TG: variants seen among roughly 807,000 people sequenced by gnomAD.
The protein encoded by TG is thyroid hormones.
A neutral mutation model predicts 324.7 loss-of-function variants in TG; 270 were observed. The observed-to-expected ratio is 0.83, with a 90% confidence interval of 0.75 to 0.92. The LOEUF (loss-of-function observed/expected upper bound fraction) is 0.92, where lower values mean the gene tolerates loss of function less well. Ranked by LOEUF, TG falls within the 40% of genes least tolerant of loss-of-function variation. TG has a pLI of 0.00. For missense variants in TG, 3,591 were observed against 3,456.4 expected (o/e 1.04, Z -0.98); for synonymous variants, 1,401 against 1,327.0 (o/e 1.06, Z -1.21).
At chr8:132,908,155 G>T (rs756172453) in intron 17 of TG, 31 bp from the exon 18 acceptor site, 3 of 1,612,784 alleles carry the variant, frequency 1.9e-6, no homozygotes, top group Non-Finnish European at 8.5e-7. Flanking sequence ...CAGGCCCATT[G>T]CCTCTGCTGA....
At chr8:133,031,858 C>A (rs1358025658) in intron 41 of TG, among the ~76,000 whole-genome samples, 1 of 152,168 alleles carries the variant, frequency 6.6e-6, no homozygotes, top group African/African-American at 2.4e-5. Flanking sequence ...TCTTTGCCTG[C>A]CCTACTTTTC....
At chr8:132,945,429 G>T (rs2739074) in intron 26 of TG, among the ~76,000 whole-genome samples, 2 of 151,874 alleles carry the variant, frequency 1.3e-5, no homozygotes, top group Non-Finnish European at 2.9e-5. Context: ...CCAATTTGGC[G>T]ATGGGAGAGG....
At chr8:133,010,538 T>A (rs1834413841) in intron 35 of TG, among the ~76,000 whole-genome samples, 2 of 152,204 alleles carry the variant, frequency 1.3e-5, no homozygotes, top group Admixed American at 1.3e-4. Context: ...TGATCACTGA[T>A]GCCCCACTGA....
rs541243054 is a variant in TG at position 133,094,963 on chromosome 8, TGA to T, written c.7240-80_7240-79del. 1.8e-3 allele frequency: 2,892 copies of T among 1,595,144 alleles called. 4 individuals are homozygous for T. The highest frequency in any genetic ancestry group is 3.4e-3 in the South Asian group (306 of 90,322). On this transcript the variant is annotated intron_variant, in intron 41 of 47. Coordinates refer to ENST00000220616, the MANE Select transcript of TG (RefSeq NM_003235.5). ...AGCTTGGAGGAAGGATGCAGAACCC[TGA>T]TGTGGCACTGAGGACTCCAGGTGAG...
At chr8:132,908,067 G>A (rs984571489) in intron 17 of TG, 119 bp from the exon 18 acceptor site, 4 of 1,124,348 alleles carry the variant, frequency 3.6e-6, no homozygotes, top group Non-Finnish European at 3.9e-6. Flanking sequence ...ATGCAAAATG[G>A]CAGTGCTTAT....
At chr8:132,887,848 C>G (rs1307005963) in intron 9 of TG, 136 bp from the exon 10 acceptor site, 1 of 913,438 alleles carries the variant, frequency 1.1e-6, no homozygotes, top group Non-Finnish European at 1.7e-6. Context: ...ATATTATTTA[C>G]AAATTTAAGC....
At chr8:133,024,218 C>A (rs770082712) in intron 40 of TG, among the ~76,000 whole-genome samples, 24 of 152,244 alleles carry the variant, frequency 1.6e-4, no homozygotes, top group Admixed American at 9.2e-4. Context: ...AGGCAGCTCC[C>A]TCAGATGGCT....
At chr8:132,960,800 G>A (rs1827634078) in intron 27 of TG, among the ~76,000 whole-genome samples, 1 of 152,162 alleles carries the variant, frequency 6.6e-6, no homozygotes, top group African/African-American at 2.4e-5. Context: ...GGTGCCCTGA[G>A]TATGACACCC....
rs1005032470 is a variant in TG at position 132,929,299 on chromosome 8, A to G, written c.4816+107A>G. ...AAACCATTAAAACTATAATTTAAAA[A>G]CATACTTTATCAAAAACACTATAAA... On this transcript the variant is annotated intron_variant, in intron 23 of 47. Coordinates refer to ENST00000220616, the MANE Select transcript of TG (RefSeq NM_003235.5). 7.0e-6 allele frequency: 6 copies of G among 857,984 alleles called. No homozygotes were observed. The African/African-American group carries it at 8.5e-5, about 12-fold the overall frequency. The allele number at this position is 857,984 out of a possible 1,614,324, so 53.1% of individuals were successfully genotyped here. A position where few individuals can be genotyped will look rare whatever the true frequency, so the allele number is the denominator to read the frequency against.
intron 35 of TG, among the ~76,000 whole-genome samples, chr8:133,010,559 A>C (rs1834415065): frequency 6.6e-6 from 1 of 152,228 alleles, no homozygotes; most frequent in African/African-American, 2.4e-5. Context: ...ACATCTCTGC[A>C]GGAGTGTTCT....
intron 37 of TG, among the ~76,000 whole-genome samples, chr8:133,016,797 C>T (rs1182758702): frequency 1.3e-5 from 2 of 152,180 alleles, no homozygotes; most frequent in Admixed American, 6.5e-5. Context: ...TGGCACTGAG[C>T]CTGGGCCCAA....
Position 133,097,835 on chromosome 8 carries a change from A to T in TG, c.7572+1462A>T, listed in dbSNP as rs538054695. Among the ~76,000 whole-genome samples, 13 of 152,284 alleles carry T rather than the reference A, an allele frequency of 8.5e-5. 1 individual carries two copies. The South Asian group carries it at 2.7e-3, about 32-fold the overall frequency. ...TATGTGTGCGTGTGTATGTAGAGAG[A>T]GAGAAAGAAGCAGGGCTGGTGAGGT... is the stretch of plus-strand genomic sequence containing the variant. On this transcript the variant is annotated intron_variant, in intron 43 of 47. Transcript: ENST00000220616.
At chr8:132,957,826 G>A (rs1479573435) in intron 27 of TG, among the ~76,000 whole-genome samples, 2 of 149,836 alleles carry the variant, frequency 1.3e-5, no homozygotes, top group Non-Finnish European at 3.0e-5. Flanking sequence ...GGGGTAAGGT[G>A]GTGTTTGGTT....
intron 37 of TG, among the ~76,000 whole-genome samples, chr8:133,015,875 C>T (rs936531533): frequency 1.1e-4 from 17 of 152,210 alleles, no homozygotes; most frequent in Non-Finnish European, 1.3e-4. Context: ...AGTTCTAACT[C>T]ATATTCCAAT....
chr8:133,131,770 T>G, intron 45 of TG, 42 bp from the exon 46 acceptor site: 1 of 1,611,662 alleles, frequency 6.2e-7, no homozygotes, highest in Non-Finnish European at 8.5e-7. Context: ...GTAGTTTACT[T>G]TCTCTTGACC....
At chr8:133,114,533 C>G (rs373235143) in intron 44 of TG, among the ~76,000 whole-genome samples, 57 of 152,274 alleles carry the variant, frequency 3.7e-4, no homozygotes, top group African/African-American at 1.3e-3. Flanking sequence ...AGCCAGGGCT[C>G]CAGTCCTTTC....
rs377167017 is a variant in TG at position 133,022,113 on chromosome 8, C to T, written c.6999C>T (p.Ala2333=). The T allele has an allele frequency of 4.3e-6, 7 of 1,614,036 alleles. No individual in the cohort carries two copies. In the African/African-American group the frequency reaches 9.3e-5, roughly 22 times the overall value. ...AAVGNLIVVT[A]SYRVGVFGFL... Reference sequence around the variant, plus strand: ...TTGGCAACCTCATCGTGGTCACTGCCAGCTACCGAGTGGGTGTCTTCGGCT... The same window carrying T: ...TTGGCAACCTCATCGTGGTCACTGCTAGCTACCGAGTGGGTGTCTTCGGCT... The change falls in exon 40 of 48, where the codon GCC becomes GCT. Residue 2333 remains alanine (A), a synonymous_variant. Coordinates refer to ENST00000220616, the MANE Select transcript of TG (RefSeq NM_003235.5).
At chr8:133,062,421 G>A (rs148667017) in intron 41 of TG, among the ~76,000 whole-genome samples, 69 of 152,352 alleles carry the variant, frequency 4.5e-4, no homozygotes, top group Admixed American at 7.8e-4. Flanking sequence ...AGCAGGTGGC[G>A]TGACTCCAAC....
At chr8:133,067,529 A>G (rs1207289193) in intron 41 of TG, among the ~76,000 whole-genome samples, 2 of 152,152 alleles carry the variant, frequency 1.3e-5, no homozygotes, top group Admixed American at 1.3e-4. Flanking sequence ...GAATCCCAGC[A>G]TGTTGGGAGG....
Sources: gnomAD v4.1 joint callset for allele counts (sites outside exome capture counted in the v4.1 genomes callset) on GRCh38, gnomAD v4.1.1 for gene constraint, MANE v1.5 for transcripts, NCBI Gene and HGNC (gene_info 2026-07-23, HGNC 2026-07-21) for gene names.